Variants in SRCAP observed in about 807,000 individuals in gnomAD.
SRCAP encodes the protein Snf2 related CREBBP activator protein.
SRCAP carries 46 observed loss-of-function variants against 263.1 expected under a neutral mutation model. The observed-to-expected ratio is 0.17, with a 90% CI of 0.14 to 0.22. The LOEUF is 0.22. Among genes scored for constraint, SRCAP ranks in the 10% least tolerant of loss-of-function variants. The probability of loss-of-function intolerance (pLI) is 1.00; values close to 1 mark genes in which losing one functional copy is unlikely to be tolerated. For missense variants in SRCAP, 3,695 were observed against 4,181.9 expected (o/e 0.88, Z 3.21); for synonymous variants, 1,813 against 1,662.1 (o/e 1.09, Z -2.21).
rs752013540 is a variant in SRCAP at position 30,739,599 on chromosome 16, C to G, written c.9559C>G (p.Pro3187Ala). The G allele has an allele frequency of 6.3e-7, 1 of 1,596,680 alleles. No homozygotes were observed. The highest frequency in any genetic ancestry group is 1.1e-5 in the South Asian group (1 of 89,460). The change falls in exon 34 of 34, where the codon CCA (proline) becomes GCA (alanine). Residue 3187 changes from proline to alanine, a missense_variant. Physicochemically the swap from Pro to Ala is conservative, Grantham distance 27. This residue lies in a region of SRCAP where 1,207 missense variants were observed against 1,142.9 expected (regional missense o/e 1.06). Transcript: ENST00000262518. ...SGEEEEGDGTPRRRPGPRRLV... is the reference protein window; with the variant it reads ...SGEEEEGDGTARRRPGPRRLV... Reference sequence around the variant, plus strand: ...TGAGGAGGAGGAAGGGGATGGGACCCCACGCCGACGTCCTGGCCCCCGCCG... The same window carrying G: ...TGAGGAGGAGGAAGGGGATGGGACCGCACGCCGACGTCCTGGCCCCCGCCG...
chr16:30,711,150 G>A (rs1489470678), intron 10 of SRCAP, 62 bp downstream of exon 10: 7 of 1,326,748 alleles, frequency 5.3e-6, no homozygotes, highest in Non-Finnish European at 6.4e-6. Flanking sequence ...CAGTACCAAG[G>A]ATAAAGAGAT....
At chr16:30,726,929 T>C (rs1400343591) in intron 25 of SRCAP, among the ~76,000 whole-genome samples, 1 of 152,306 alleles carries the variant, frequency 6.6e-6, no homozygotes, top group East Asian at 1.9e-4. Flanking sequence ...CTCGAACTCC[T>C]GACCTCAGGT....
intron 5 of SRCAP, 22 bp downstream of exon 5, chr16:30,707,390 C>T (rs1031392563): frequency 6.2e-7 from 1 of 1,611,206 alleles, no homozygotes; most frequent in Non-Finnish European, 8.5e-7. Flanking sequence ...GCTGGGACTT[C>T]CTTCCTTTTC....
intron 18 of SRCAP, among the ~76,000 whole-genome samples, 177 bp downstream of exon 18, chr16:30,716,656 G>C (rs1010737550): frequency 5.3e-5 from 8 of 151,968 alleles, no homozygotes; most frequent in Admixed American, 2.0e-4. Context: ...ATATTTTTTT[G>C]ACTTCACTGT....
At chr16:30,717,350 C>T (rs966354550) in intron 18 of SRCAP, among the ~76,000 whole-genome samples, 2 of 152,058 alleles carry the variant, frequency 1.3e-5, no homozygotes, top group African/African-American at 4.8e-5. Flanking sequence ...GGAAATTAAC[C>T]CATTATCAGA....
chr16:30,722,100 A>G, intron 21 of SRCAP, 22 bp from the exon 22 acceptor site: 2 of 1,607,950 alleles, frequency 1.2e-6, no homozygotes, highest in South Asian at 1.1e-5. Context: ...CTTGTGTACA[A>G]TAAGGCCTTC....
Position 30,739,467 on chromosome 16 carries a change from G to T in SRCAP, c.9427G>T (p.Ala3143Ser), listed in dbSNP as rs1193787721. 6.2e-7 allele frequency: 1 copy of T among 1,614,098 alleles called. No homozygotes were observed. The highest frequency in any genetic ancestry group is 8.5e-7 in the Non-Finnish European group (1 of 1,180,012). ...GAAGTTGCCTCGCAAACGAGCAGGG[G>T]CCCCAGTTGGTGGGAGTCCTGGGCT... Reference protein sequence around the residue: ...TEKLPRKRAGAPVGGSPGLAK... With the variant: ...TEKLPRKRAGSPVGGSPGLAK... The change falls in exon 34 of 34, where the codon GCC becomes TCC. Residue 3143 changes from alanine (A) to serine (S), a missense_variant. Ala to Ser is a moderately conservative substitution (Grantham distance 99). This residue lies in a region of SRCAP where 1,207 missense variants were observed against 1,142.9 expected (regional missense o/e 1.06). Coordinates refer to ENST00000262518, the MANE Select transcript of SRCAP (RefSeq NM_006662.3).
At position 30,700,821 on chromosome 16, in the gene SRCAP, G is replaced by C. The variant is rs2052757418; in HGVS notation, c.-4G>C. 6.2e-7 allele frequency: 1 copy of C among 1,613,916 alleles called. No individual in the cohort carries two copies. The highest frequency in any genetic ancestry group is 8.5e-7 in the Non-Finnish European group (1 of 1,179,940). The stretch of plus-strand genomic sequence containing the variant: ...CATCCAAGGGGGAGCCTGGGAGTGG[G>C]ACCATGCAGAGCAGCCCCTCCCCTG... On this transcript the variant is annotated 5_prime_UTR_variant, in exon 3 of 34. Transcript: ENST00000262518.
Position 30,724,827 on chromosome 16 carries a change from C to T in SRCAP, c.5403C>T (p.Ala1801=), listed in dbSNP as rs140196853. Residue 1801 remains alanine, a synonymous_variant, in exon 25 of 34, where the codon GCC becomes GCT. Coordinates refer to ENST00000262518, the MANE Select transcript of SRCAP (RefSeq NM_006662.3). ...SPAPVPTLGP[A]AAQTLALAPA... is the part of the protein sequence containing the mutation. ...CCCCAGTTCCTACCCTGGGCCCGGC[C>T]GCAGCTCAGACCTTGGCGCTGGCCC... 1.1e-3 allele frequency: 1,818 copies of T among 1,613,946 alleles called. No individual in the cohort carries two copies. Among genetic ancestry groups the T allele is most frequent in the Non-Finnish European group, 1.1e-3 (1,276 of 1,179,838 alleles).
In SRCAP at chr16:30,725,087, G is replaced by GT. The variant is rs770306053; in HGVS notation, c.5658+9dup. 6 of 1,602,036 alleles carry GT rather than the reference G, an allele frequency of 3.7e-6. No individual in the cohort carries two copies. In the South Asian group the frequency reaches 5.6e-5, roughly 15 times the overall value. Reference sequence around the variant, plus strand: ...CCTCGTTCCCCTTTTTATCTGGTAAGTTTTACTTCCTCAAGAGGGAACAGG... The same window carrying GT: ...CCTCGTTCCCCTTTTTATCTGGTAAGTTTTTACTTCCTCAAGAGGGAACAGG... On this transcript the variant is annotated splice_donor_region_variant and intron_variant, in intron 25 of 33. Transcript: ENST00000262518.
chr16:30,705,720 T>G (rs1004776934), intron 4 of SRCAP, among the ~76,000 whole-genome samples: 1 of 151,090 alleles, frequency 6.6e-6, no homozygotes, highest in South Asian at 2.1e-4. Flanking sequence ...TTTTTTTTTT[T>G]CCTTGAGACG....
rs770720971 is a variant in SRCAP at position 30,713,195 on chromosome 16, T to C, written c.2131-13T>C. ...ATCCCACTATCTGCTACTTTCTGTC[T>C]TTGATCCCTCAGGGCTGGACCAAGC... On this transcript the variant is annotated splice_polypyrimidine_tract_variant and intron_variant, in intron 14 of 33. Transcript: ENST00000262518. The C allele has an allele frequency of 3.7e-6, 6 of 1,612,662 alleles. No homozygotes were observed. The African/African-American group carries it at 4.0e-5, about 11-fold the overall frequency.
In SRCAP at chr16:30,734,690, G is replaced by T. The variant is rs1596665148; in HGVS notation, c.6729+75G>T. 3.8e-6 allele frequency: 6 copies of T among 1,597,394 alleles called. No individual in the cohort carries two copies. The East Asian group carries it at 1.1e-4, about 30-fold the overall frequency. On this transcript the variant is annotated intron_variant, in intron 31 of 33. Transcript: ENST00000262518. ...ATCTTGTCTTTTGTTAGTCTGTTGA[G>T]CTTGTCCAGGGGAAAGAGATGTTTC...
chr16:30,737,038 T>C lies in SRCAP; in HGVS notation c.7009-11T>C. On this transcript the variant is annotated splice_polypyrimidine_tract_variant and intron_variant, in intron 33 of 33. Transcript: ENST00000262518. ...CCTCCTCCTGACCACTTTTGGACCCTGTTGTTGTAGGAGCAAGTGGAAGCT... is the reference window on the plus strand; with the variant it reads ...CCTCCTCCTGACCACTTTTGGACCCCGTTGTTGTAGGAGCAAGTGGAAGCT... The C allele has an allele frequency of 6.4e-7, 1 of 1,571,760 alleles. No homozygotes were observed. Among genetic ancestry groups the C allele is most frequent in the Non-Finnish European group, 8.6e-7 (1 of 1,158,218 alleles).
intron 30 of SRCAP, 61 bp downstream of exon 30, chr16:30,734,069 C>A (rs2053136959): frequency 7.0e-7 from 1 of 1,423,070 alleles, no homozygotes. Flanking sequence ...AGGAGTTCCT[C>A]CTGTTTATTA....
chr16:30,714,264 C>T (rs1227549061), intron 16 of SRCAP, among the ~76,000 whole-genome samples: 1 of 151,708 alleles, frequency 6.6e-6, no homozygotes, highest in African/African-American at 2.4e-5. Flanking sequence ...CGGGGTTTCA[C>T]CGTATTAGCC....
chr16:30,735,947 TTAAAGG>T (rs2053157204), intron 31 of SRCAP, among the ~76,000 whole-genome samples: 1 of 151,868 alleles, frequency 6.6e-6, no homozygotes, highest in Non-Finnish European at 1.5e-5. Context: ...GAGGCTGACT[TTAAAGG>T]AAGGGAAGTA....
chr16:30,712,849 T>A, intron 14 of SRCAP, 34 bp downstream of exon 14: 1 of 1,608,332 alleles, frequency 6.2e-7, no homozygotes, highest in South Asian at 1.1e-5. Flanking sequence ...TTCCTCCCAT[T>A]GATGCCTCCT....
chr16:30,739,646 AG>A lies in SRCAP; in HGVS notation c.9610del (p.Asp3204ThrfsTer57). 1 of 1,590,446 alleles carries A rather than the reference AG, an allele frequency of 6.3e-7. No individual in the cohort carries two copies. Among genetic ancestry groups the A allele is most frequent in the Non-Finnish European group, 8.6e-7 (1 of 1,169,428 alleles). On this transcript the variant is annotated frameshift_variant, in exon 34 of 34. Coordinates refer to ENST00000262518, the MANE Select transcript of SRCAP (RefSeq NM_006662.3). ...GCCGGCTTGTTGGGACCACCAACCA[AG>A]GGGACCAGCGCATCCTGCGCAGCAG... ...PRRLVGTTNQGDQRILRSSAP... is the reference protein window; with the variant it reads ...PRRLVGTTNQXDQRILRSSAP...
Sources: allele counts gnomAD v4.1 joint callset (sites outside exome capture counted in the v4.1 genomes callset), GRCh38; gene constraint gnomAD v4.1.1; regional missense constraint gnomAD v4.1.1; transcripts MANE v1.5; gene names NCBI Gene and HGNC (gene_info 2026-07-23, HGNC 2026-07-21).